The following CLIP2 variants were observed in gnomAD, a reference collection of about 807,000 sequenced individuals.
The protein encoded by CLIP2 is CAP-Gly domain containing linker protein 2.
CLIP2 carries 41 observed loss-of-function variants against 111.7 expected under a neutral mutation model. The observed-to-expected ratio is 0.37, with a 90% CI of 0.29 to 0.48. The LOEUF is 0.48. CLIP2 is among the 20% of genes least tolerant of loss of function. CLIP2 has a pLI of 0.99. For missense variants in CLIP2, 1,160 were observed against 1,422.1 expected, an observed-to-expected ratio of 0.82 and a Z score of 2.96; for synonymous variants, 660 against 644.2, an observed-to-expected ratio of 1.02 and a Z score of -0.37.
At chr7:74,343,025 A>G (rs1554305646) in intron 3 of CLIP2, among the ~76,000 whole-genome samples, 1 of 141,084 alleles carries the variant, frequency 7.1e-6, no homozygotes, top group African/African-American at 2.9e-5. Flanking sequence ...ACACAGCCAG[A>G]CTCTGTCTCA....
chr7:74,392,091 C>T (rs751187285), intron 13 of CLIP2, among the ~76,000 whole-genome samples: 27 of 152,122 alleles, frequency 1.8e-4, no homozygotes, highest in Admixed American at 5.2e-4. Context: ...GTGGCTCACG[C>T]CTGTAATCCC....
At chr7:74,298,082 C>T (rs1319973593) in intron 1 of CLIP2, among the ~76,000 whole-genome samples, 4 of 152,212 alleles carry the variant, frequency 2.6e-5, no homozygotes, top group South Asian at 4.2e-4. Context: ...GCAGTGCCCA[C>T]GCTTGCAATC....
At position 74,358,627 on chromosome 7, in the gene CLIP2, G is replaced by A. The variant is rs78606878; in HGVS notation, c.1215+1150G>A. Among the ~76,000 whole-genome samples, 1,229 of 151,632 alleles carry A rather than the reference G, an allele frequency of 8.1e-3. 57 individuals are homozygous for A. In the East Asian group the frequency reaches 0.13, roughly 16 times the overall value. ...GATAGGGCCTTGCTTTGTTGCCCAG[G>A]TTGGAGTGCAGTGACGCCATCATAG... On this transcript the variant is annotated intron_variant, in intron 6 of 16. Coordinates refer to ENST00000223398, the MANE Select transcript of CLIP2 (RefSeq NM_003388.5).
chr7:74,328,697 A>C (rs1554730922), intron 2 of CLIP2, among the ~76,000 whole-genome samples: 27 of 152,088 alleles, frequency 1.8e-4, no homozygotes. Context: ...AGGCAGAAGG[A>C]TGGAGCTTTG....
chr7:74,350,232 A>G (rs1265178911), intron 3 of CLIP2, among the ~76,000 whole-genome samples: 1 of 151,826 alleles, frequency 6.6e-6, no homozygotes, highest in Non-Finnish European at 1.5e-5. Flanking sequence ...TTATATTTTT[A>G]GTAGAGATGG....
chr7:74,296,009 A>G (rs901988753), intron 1 of CLIP2, among the ~76,000 whole-genome samples: 3 of 150,330 alleles, frequency 2.0e-5, no homozygotes, highest in Admixed American at 6.6e-5. Context: ...AAAAAAAAAA[A>G]GCGTTTTTAT....
chr7:74,353,789 G>A, intron 3 of CLIP2, 91 bp from the exon 4 acceptor site: 1 of 1,566,204 alleles, frequency 6.4e-7, no homozygotes, highest in Non-Finnish European at 8.8e-7. Flanking sequence ...TGCTGGAAGG[G>A]ATGGATGGGA....
rs141952499 is a variant in CLIP2 at position 74,334,299 on chromosome 7, G to A, written c.122-4149G>A. Among the ~76,000 whole-genome samples the A allele has an allele frequency of 2.1e-3, 323 of 152,282 alleles. 1 individual carries two copies. Among genetic ancestry groups the A allele is most frequent in the African/African-American group, 7.6e-3 (314 of 41,562 alleles). The stretch of plus-strand genomic sequence containing the variant: ...CCACTACTCAGAGGAAGAATGAAGC[G>A]AAGTATCACGTGCAGTTGCCATGGG... On this transcript the variant is annotated intron_variant, in intron 2 of 16. Transcript: ENST00000223398.
At position 74,376,354 on chromosome 7, in the gene CLIP2, A is replaced by G; in HGVS notation, c.1953A>G (p.Ala651=). The part of the protein sequence containing the change: ...AQQKEIGELK[A]VMEGIKMEHQ... ...AGAAGGAGATCGGCGAGCTGAAGGC[A>G]GTGATGGAGGGCATCAAGATGGAGC... Residue 651 remains alanine, a synonymous_variant, in exon 10 of 17, where the codon GCA becomes GCG. Coordinates refer to ENST00000223398, the MANE Select transcript of CLIP2 (RefSeq NM_003388.5). The surrounding 1 kb of genome is among the most constrained non-coding windows in gnomAD (Gnocchi z 7.1). 1 of 1,614,018 alleles carries G rather than the reference A, an allele frequency of 6.2e-7. No individual in the cohort carries two copies. Among genetic ancestry groups the G allele is most frequent in the Non-Finnish European group, 8.5e-7 (1 of 1,180,024 alleles).
intron 1 of CLIP2, among the ~76,000 whole-genome samples, chr7:74,306,984 G>A (rs1788507947): frequency 1.3e-5 from 2 of 152,216 alleles, no homozygotes; most frequent in Non-Finnish European, 2.9e-5. Flanking sequence ...TCAAGTCCCA[G>A]CGTTTTCCAA....
At position 74,338,788 on chromosome 7, in the gene CLIP2, G is replaced by T. The variant is rs782005016; in HGVS notation, c.462G>T (p.Ser154=). 6.2e-7 allele frequency: 1 copy of T among 1,610,654 alleles called. No homozygotes were observed. The highest frequency in any genetic ancestry group is 8.5e-7 in the Non-Finnish European group (1 of 1,179,610). ...KLTRQPTAEG[S]GSDAHSVESL... ...CCCGGCAGCCCACGGCCGAGGGCTC[G>T]GGGAGTGATGCCCACTCCGTGGAGT... is the stretch of plus-strand genomic sequence containing the variant. Residue 154 remains serine, a synonymous_variant, in exon 3 of 17, where the codon TCG becomes TCT. Coordinates refer to ENST00000223398, the MANE Select transcript of CLIP2 (RefSeq NM_003388.5). The surrounding 1 kb of genome is among the most constrained non-coding windows in gnomAD (Gnocchi z 4.3).
At chr7:74,352,422 G>A (rs189844176) in intron 3 of CLIP2, among the ~76,000 whole-genome samples, 50 of 151,858 alleles carry the variant, frequency 3.3e-4, no homozygotes, top group African/African-American at 1.2e-3. Context: ...GGGCGACAGA[G>A]TGAGACTCTG....
chr7:74,290,559 G>C (rs1787987047), intron 1 of CLIP2, among the ~76,000 whole-genome samples: 1 of 152,188 alleles, frequency 6.6e-6, no homozygotes, highest in Admixed American at 6.5e-5. Flanking sequence ...GGAGCACCTT[G>C]GGGGGAAATC....
chr7:74,364,795 G>T (rs1554310464), intron 8 of CLIP2: 3 of 451,394 alleles, frequency 6.6e-6, no homozygotes, highest in Non-Finnish European at 1.3e-5. Flanking sequence ...AGCCAAGGCA[G>T]AGGATCACTT....
In CLIP2 at chr7:74,356,266, T is replaced by C. The variant is rs1315330241; in HGVS notation, c.804-144T>C. ...GTCCTATCTCTCCACCTGGAAGATT[T>C]CCACCTTGGAGTGTCTTTCCACATG... is the stretch of plus-strand genomic sequence containing the variant. On this transcript the variant is annotated intron_variant, in intron 4 of 16. Coordinates refer to ENST00000223398, the MANE Select transcript of CLIP2 (RefSeq NM_003388.5). The C allele has an allele frequency of 8.6e-6, 6 of 698,274 alleles. No homozygotes were observed. In the African/African-American group the frequency reaches 1.1e-4, roughly 12 times the overall value. The allele number at this position is 698,274 out of a possible 1,614,324, so 43.3% of individuals were successfully genotyped here.
intron 1 of CLIP2, among the ~76,000 whole-genome samples, chr7:74,310,467 G>A (rs917451149): frequency 1.3e-5 from 2 of 151,924 alleles, no homozygotes; most frequent in African/African-American, 4.8e-5. Flanking sequence ...AGGCTGCAGT[G>A]AACCATGATT....
At position 74,397,058 on chromosome 7, in the gene CLIP2, C is replaced by T. The variant is rs782790450; in HGVS notation, c.2721-16C>T. The T allele has an allele frequency of 3.7e-6, 6 of 1,611,510 alleles. No individual in the cohort carries two copies. The African/African-American group carries it at 5.4e-5, about 14-fold the overall frequency. ...CAGGGCTGAGTGCAGTGGTTCTGTG[C>T]CCGCCTCACCCCCAGGAGCCTGAAC... On this transcript the variant is annotated splice_polypyrimidine_tract_variant and intron_variant, in intron 13 of 16. Transcript: ENST00000223398.
intron 3 of CLIP2, among the ~76,000 whole-genome samples, chr7:74,347,161 A>G (rs1175094813): frequency 1.3e-5 from 2 of 152,148 alleles, no homozygotes; most frequent in Non-Finnish European, 2.9e-5. Flanking sequence ...CTGTTCCTCT[A>G]GCTGATGTCT....
At chr7:74,317,973 C>G (rs1788834882) in intron 2 of CLIP2, among the ~76,000 whole-genome samples, 1 of 152,038 alleles carries the variant, frequency 6.6e-6, no homozygotes, top group Non-Finnish European at 1.5e-5. Flanking sequence ...GGCTGGATCA[C>G]TGGAGGTCAA....
Sources: gnomAD v4.1 joint callset for allele counts (sites outside exome capture counted in the v4.1 genomes callset) on GRCh38, gnomAD v4.1.1 for gene constraint, Gnocchi (gnomAD v3.1) non-coding constraint, MANE v1.5 for transcripts, NCBI Gene and HGNC (gene_info 2026-07-23, HGNC 2026-07-21) for gene names.